Variants in NECAB1 observed in about 807,000 individuals in gnomAD.
NECAB1 encodes N-terminal EF-hand calcium-binding protein 1.
Under a neutral mutation model 57.5 loss-of-function variants are expected in NECAB1, and 29 were observed. The ratio of observed to expected loss-of-function variants is 0.50; its 90% CI spans 0.38 to 0.69. The LOEUF is 0.69. Among genes scored for constraint, NECAB1 ranks in the 30% least tolerant of loss-of-function variants. The pLI is 0.00. For synonymous variants in NECAB1, 142 were observed against 147.7 expected (o/e 0.96, Z 0.28); for missense variants, 372 against 413.8 (o/e 0.90, Z 0.88).
chr8:90,800,023 C>T (rs1016315734), intron 1 of NECAB1, among the ~76,000 whole-genome samples: 4 of 152,120 alleles, frequency 2.6e-5, no homozygotes, highest in African/African-American at 9.7e-5. Context: ...TCTTTCACTT[C>T]TTTGGTTAAA....
chr8:90,955,444 T>C, intron 12 of NECAB1, 43 bp from the exon 13 acceptor site: 1 of 1,454,966 alleles, frequency 6.9e-7, no homozygotes, highest in East Asian at 2.5e-5. Context: ...CTTTGCCCTA[T>C]AAGTTATTTT....
intron 2 of NECAB1, among the ~76,000 whole-genome samples, chr8:90,822,014 G>A (rs936895434): frequency 1.1e-4 from 16 of 151,806 alleles, no homozygotes; most frequent in African/African-American, 3.9e-4. Flanking sequence ...GTAAAGCAGA[G>A]GAGGGCCAAC....
chr8:90,878,637 T>C (rs1282283471), intron 4 of NECAB1, among the ~76,000 whole-genome samples: 1 of 152,170 alleles, frequency 6.6e-6, no homozygotes, highest in African/African-American at 2.4e-5. Context: ...TCATTTTCTT[T>C]ACTATCTAGT....
chr8:90,792,546 A>G (rs1811593662), intron 1 of NECAB1, among the ~76,000 whole-genome samples: 1 of 151,786 alleles, frequency 6.6e-6, no homozygotes, highest in Admixed American at 6.6e-5. Flanking sequence ...CACCTCTTCT[A>G]TTTTCCCTTT....
chr8:90,857,020 G>A (rs1025321731), intron 3 of NECAB1, among the ~76,000 whole-genome samples: 8 of 152,080 alleles, frequency 5.3e-5, no homozygotes, highest in Admixed American at 5.2e-4. Flanking sequence ...TCCAACAAAA[G>A]GAATGATACA....
At chr8:90,860,025 G>C (rs925537646) in intron 3 of NECAB1, among the ~76,000 whole-genome samples, 1 of 152,050 alleles carries the variant, frequency 6.6e-6, no homozygotes, top group Non-Finnish European at 1.5e-5. Context: ...CATGCAGCTA[G>C]AGGACAAGAG....
chr8:90,917,899 T>C (rs1432418192), intron 6 of NECAB1, among the ~76,000 whole-genome samples: 1 of 127,080 alleles, frequency 7.9e-6, no homozygotes, highest in African/African-American at 3.1e-5. Flanking sequence ...TATATATGTC[T>C]GTGTGTATAT....
chr8:90,937,597 G>A (rs1810568074), intron 9 of NECAB1, among the ~76,000 whole-genome samples: 1 of 152,114 alleles, frequency 6.6e-6, no homozygotes, highest in African/African-American at 2.4e-5. Context: ...TTATAAAGAT[G>A]TGCCTGTATG....
In NECAB1 at chr8:90,940,860, C is replaced by T. The variant is rs1018502340; in HGVS notation, c.822C>T (p.His274=). Residue 274 remains histidine, a synonymous_variant, in exon 10 of 13, where the codon CAC becomes CAT. Transcript: ENST00000417640. ...AAGAATTCCAGCTCGCTCTGAAACA[C>T]TACGTGGAGAGTGCTTCCTCCCAAA... ...DLEEFQLALK[H]YVESASSQSG... is the part of the protein sequence containing the mutation. The T allele has an allele frequency of 2.6e-6, 4 of 1,562,230 alleles. No individual in the cohort carries two copies. The highest frequency in any genetic ancestry group is 3.5e-6 in the Non-Finnish European group (4 of 1,152,854).
intron 2 of NECAB1, among the ~76,000 whole-genome samples, chr8:90,802,888 T>A (rs1182451958): frequency 6.6e-6 from 1 of 151,994 alleles, no homozygotes; most frequent in Non-Finnish European, 1.5e-5. Context: ...AGTTTTTGGG[T>A]TTTTTGTTTT....
chr8:90,938,341 T>C (rs1045081518), intron 9 of NECAB1, among the ~76,000 whole-genome samples: 63 of 152,146 alleles, frequency 4.1e-4, no homozygotes, highest in African/African-American at 1.5e-3. Context: ...TGTAGCACCA[T>C]GAAAGAATAT....
intron 8 of NECAB1, among the ~76,000 whole-genome samples, chr8:90,933,729 TA>T (rs1253935703): frequency 0.027 from 3,909 of 146,798 alleles, 173 homozygotes; most frequent in African/African-American, 0.091. Context: ...CCTATGGAAA[TA>T]AAAAAAAAAA....
intron 5 of NECAB1, among the ~76,000 whole-genome samples, chr8:90,914,320 T>C (rs902768800): frequency 6.6e-6 from 1 of 151,964 alleles, no homozygotes; most frequent in African/African-American, 2.4e-5. Context: ...CAAAAATACA[T>C]AGAAGTGGAA....
Position 90,828,273 on chromosome 8 carries a change from G to T in NECAB1, c.233+3448G>T, listed in dbSNP as rs187794370. ...ATAACTATGCAAAGATTTCTGCAAAGATTTTTGTATATGAATATTACCAAG... is the reference window on the plus strand; with the variant it reads ...ATAACTATGCAAAGATTTCTGCAAATATTTTTGTATATGAATATTACCAAG... On this transcript the variant is annotated intron_variant, in intron 3 of 12. Coordinates refer to ENST00000417640, the MANE Select transcript of NECAB1 (RefSeq NM_022351.5). 1.4e-4 allele frequency among the ~76,000 whole-genome samples: 21 copies of T among 151,982 alleles called. 1 individual carries two copies. Among genetic ancestry groups the T allele is most frequent in the Admixed American group, 9.2e-4 (14 of 15,236 alleles).
At chr8:90,836,313 G>T (rs1027771151) in intron 3 of NECAB1, among the ~76,000 whole-genome samples, 1 of 152,070 alleles carries the variant, frequency 6.6e-6, no homozygotes, top group Non-Finnish European at 1.5e-5. Context: ...GTTTCTCACT[G>T]GGAAAAATAG....
At chr8:90,940,592 AG>A (rs1810645172) in intron 9 of NECAB1, 193 bp from the exon 10 acceptor site, 1 of 511,908 alleles carries the variant, frequency 2.0e-6, no homozygotes, top group African/African-American at 1.9e-5. Flanking sequence ...CTGGGACTAG[AG>A]GCAAGGAAAA....
At chr8:90,887,325 C>A (rs1348126435) in intron 5 of NECAB1, among the ~76,000 whole-genome samples, 1 of 152,138 alleles carries the variant, frequency 6.6e-6, no homozygotes, top group East Asian at 1.9e-4. Context: ...TACTTCATTA[C>A]CACAAGGCAG....
At chr8:90,922,586 G>A (rs532569024) in intron 6 of NECAB1, among the ~76,000 whole-genome samples, 213 of 142,410 alleles carry the variant, frequency 1.5e-3, no homozygotes, top group Non-Finnish European at 2.3e-3. Context: ...TCCGCCTCCC[G>A]GGTTCAAGCA....
At position 90,928,280 on chromosome 8, in the gene NECAB1, T is replaced by C. The variant is rs1409564173; in HGVS notation, c.674T>C (p.Ile225Thr). ...MTQINRLQKL[I>T]DRLEKKDLKL... ...CAGATAAATAGACTCCAGAAATTAA[T>C]TGATAGACTGGAAAAGAAGGTAGGT... The change falls in exon 8 of 13, where the codon ATT becomes ACT. Residue 225 changes from isoleucine to threonine, a missense_variant. Ile to Thr is a moderately conservative substitution (Grantham distance 89). Coordinates refer to ENST00000417640, the MANE Select transcript of NECAB1 (RefSeq NM_022351.5). 11 of 1,608,320 alleles carry C rather than the reference T, an allele frequency of 6.8e-6. No homozygotes were observed. Among genetic ancestry groups the C allele is most frequent in the East Asian group, 4.5e-5 (2 of 44,720 alleles).
Sources: allele counts gnomAD v4.1 joint callset (sites outside exome capture counted in the v4.1 genomes callset), GRCh38; gene constraint gnomAD v4.1.1; transcripts MANE v1.5; gene names NCBI Gene and HGNC (gene_info 2026-07-23, HGNC 2026-07-21).